Variants in ZEB1 observed in about 807,000 individuals in gnomAD.
The protein encoded by ZEB1 is zinc finger E-box binding homeobox 1, also known as zinc finger E-box-binding homeobox 1.
ZEB1 carries 21 observed loss-of-function variants against 84.9 expected under a neutral mutation model. That is an observed-to-expected ratio of 0.25 (90% confidence interval 0.18 to 0.36). The LOEUF (loss-of-function observed/expected upper bound fraction) is 0.36, where lower values mean the gene tolerates loss of function less well. Among genes scored for constraint, ZEB1 ranks in the 10% least tolerant of loss-of-function variants. The pLI is 1.00. For synonymous variants in ZEB1, 420 were observed against 471.1 expected, an observed-to-expected ratio of 0.89 and a Z score of 1.41; for missense variants, 1,104 against 1,330.2, an observed-to-expected ratio of 0.83 and a Z score of 2.65.
At chr10:31,396,800 G>T (rs772186592) in intron 1 of ZEB1, among the ~76,000 whole-genome samples, 20 of 152,166 alleles carry the variant, frequency 1.3e-4, no homozygotes, top group Non-Finnish European at 2.8e-4. Flanking sequence ...CTGAAGGAAT[G>T]AAGTTAGTGT....
intron 2 of ZEB1, among the ~76,000 whole-genome samples, chr10:31,488,794 A>G (rs1034959319): frequency 2.0e-5 from 3 of 151,046 alleles, no homozygotes; most frequent in Admixed American, 2.0e-4. Flanking sequence ...AGATTTTCTT[A>G]TCTTTTTCCT....
Position 31,493,113 on chromosome 10 carries a change from CT to C in ZEB1, c.260-2662del, listed in dbSNP as rs553323970. Among the ~76,000 whole-genome samples the C allele has an allele frequency of 2.8e-4, 42 of 152,050 alleles. 2 individuals carry two copies. In the South Asian group the frequency reaches 7.0e-3, roughly 26 times the overall value. ...CTCGTTTCCCATTACATGTTCACCC[CT>C]GTCCCTCTACCTTGCCGCATTCCTT... is the stretch of plus-strand genomic sequence containing the variant. On this transcript the variant is annotated intron_variant, in intron 2 of 8. Coordinates refer to ENST00000424869, the MANE Select transcript of ZEB1 (RefSeq NM_001174096.2).
At chr10:31,353,441 A>G (rs1423547441) in intron 1 of ZEB1, among the ~76,000 whole-genome samples, 1 of 152,214 alleles carries the variant, frequency 6.6e-6, no homozygotes, top group African/African-American at 2.4e-5. Context: ...GCTACTCACA[A>G]TGTAATGAGC....
At chr10:31,452,162 A>G (rs901013271) in intron 1 of ZEB1, among the ~76,000 whole-genome samples, 3 of 152,188 alleles carry the variant, frequency 2.0e-5, no homozygotes, top group African/African-American at 7.2e-5. Flanking sequence ...CCCAAAATTT[A>G]CTGAATCATT....
At chr10:31,384,618 G>C (rs2048303204) in intron 1 of ZEB1, among the ~76,000 whole-genome samples, 1 of 152,190 alleles carries the variant, frequency 6.6e-6, no homozygotes, top group African/African-American at 2.4e-5. Context: ...GGGAAGTTTT[G>C]TAGGGAACTT....
At chr10:31,444,936 T>C (rs1490851722) in intron 1 of ZEB1, among the ~76,000 whole-genome samples, 1 of 152,168 alleles carries the variant, frequency 6.6e-6, no homozygotes, top group Non-Finnish European at 1.5e-5. Flanking sequence ...AGTAGTTTTT[T>C]TCCAATTCTG....
intron 1 of ZEB1, among the ~76,000 whole-genome samples, chr10:31,365,982 T>C (rs1260278463): frequency 1.3e-5 from 2 of 152,266 alleles, no homozygotes; most frequent in East Asian, 3.8e-4. Context: ...GTAACACGTT[T>C]AGGGCCTTTT....
At chr10:31,429,733 C>CTTTTTTTTTTTTTTT (rs35031058) in intron 1 of ZEB1, among the ~76,000 whole-genome samples, 1 of 79,542 alleles carries the variant, frequency 1.3e-5, no homozygotes, top group African/African-American at 6.7e-5. Context: ...ACAGGCAGAA[C>CTTTTTTTTTTTTTTT]TTTTTTTTTT....
intron 1 of ZEB1, 105 bp from the exon 2 acceptor site, chr10:31,460,932 A>C (rs2061734741): frequency 2.3e-5 from 21 of 923,868 alleles, no homozygotes; most frequent in Middle Eastern, 2.9e-4. Context: ...AAAAGAAAAC[A>C]TTGAATTACA....
intron 1 of ZEB1, among the ~76,000 whole-genome samples, chr10:31,328,680 A>G (rs935171578): frequency 1.3e-5 from 2 of 152,168 alleles, no homozygotes; most frequent in Non-Finnish European, 2.9e-5. Context: ...TATGTCTTTC[A>G]GCTTTAGGAA....
rs1267337741 is a variant in ZEB1, at chr10:31,527,407, TAC to T, written c.*145_*146del. On this transcript the variant is annotated 3_prime_UTR_variant, in exon 9 of 9. Transcript: ENST00000424869. ...AAGTAAAAACTAAAAAAATACAAAA[TAC>T]AAAACACACACACACACACACACAC... is the stretch of plus-strand genomic sequence containing the variant. The T allele has an allele frequency of 1.3e-6, 1 of 754,586 alleles. No homozygotes were observed. Among genetic ancestry groups the T allele is most frequent in the Non-Finnish European group, 2.0e-6 (1 of 498,078 alleles). The allele number at this position is 754,586 out of a possible 1,614,324, so 46.7% of individuals were successfully genotyped here. A position where few individuals can be genotyped will look rare whatever the true frequency, so the allele number is the denominator to read the frequency against.
intron 1 of ZEB1, among the ~76,000 whole-genome samples, chr10:31,369,104 C>T (rs1342157066): frequency 6.6e-6 from 1 of 151,798 alleles, no homozygotes; most frequent in African/African-American, 2.4e-5. Context: ...TTTGATTGAC[C>T]AATCATAATT....
At chr10:31,318,856 C>T (rs1054256987), upstream of ZEB1, 1 of 349,546 alleles carries the variant, frequency 2.9e-6, no homozygotes, top group Non-Finnish European at 5.6e-6. Context: ...GCGGGTGTGG[C>T]CAGCGCGGAG....
chr10:31,388,476 T>C (rs1245444044), intron 1 of ZEB1, among the ~76,000 whole-genome samples: 1 of 152,066 alleles, frequency 6.6e-6, no homozygotes, highest in Non-Finnish European at 1.5e-5. Flanking sequence ...ATAGAAGATA[T>C]TAAAGAGGAA....
At chr10:31,375,130 T>G (rs1469954785) in intron 1 of ZEB1, among the ~76,000 whole-genome samples, 1 of 144,484 alleles carries the variant, frequency 6.9e-6, no homozygotes, top group Non-Finnish European at 1.5e-5. Context: ...GAAAATAAAA[T>G]CCAAAGAGCA....
chr10:31,504,112 A>G (rs2068553179), intron 4 of ZEB1, among the ~76,000 whole-genome samples: 1 of 151,936 alleles, frequency 6.6e-6, no homozygotes, highest in Non-Finnish European at 1.5e-5. Context: ...TAAGTCTTTC[A>G]TTGATCTTGA....
chr10:31,334,530 T>C (rs770983046), intron 1 of ZEB1, among the ~76,000 whole-genome samples: 18 of 151,814 alleles, frequency 1.2e-4, no homozygotes, highest in Non-Finnish European at 2.2e-4. Flanking sequence ...AACATGCAAT[T>C]TTAAGAATTA....
At chr10:31,443,862 G>T (rs1031947531) in intron 1 of ZEB1, among the ~76,000 whole-genome samples, 3 of 151,214 alleles carry the variant, frequency 2.0e-5, no homozygotes, top group East Asian at 1.9e-4. Context: ...GAATAGTGCC[G>T]CAATAAACAT....
Position 31,523,973 on chromosome 10 carries a change from T to C in ZEB1, c.2645T>C (p.Val882Ala). 6.2e-7 allele frequency: 1 copy of C among 1,613,992 alleles called. No individual in the cohort carries two copies. Among genetic ancestry groups the C allele is most frequent in the Non-Finnish European group, 8.5e-7 (1 of 1,179,922 alleles). ...ACTAGCTCAGAAGGAGTATCAAATGTAGAGGATCAGAATGACTCTGATTCT... is the reference window on the plus strand; with the variant it reads ...ACTAGCTCAGAAGGAGTATCAAATGCAGAGGATCAGAATGACTCTGATTCT... ...QDTSSEGVSNVEDQNDSDSTP... is the reference protein window; with the variant it reads ...QDTSSEGVSNAEDQNDSDSTP... Residue 882 changes from valine to alanine, a missense_variant, in exon 8 of 9, where the codon GTA (valine) becomes GCA (alanine). Physicochemically the swap from Val to Ala is moderately conservative, Grantham distance 64 (BLOSUM62 0). Transcript: ENST00000424869.
Sources: allele counts gnomAD v4.1 joint callset (sites outside exome capture counted in the v4.1 genomes callset), GRCh38; gene constraint gnomAD v4.1.1; transcripts MANE v1.5; gene names NCBI Gene and HGNC (gene_info 2026-07-23, HGNC 2026-07-21).